RGS3: variants seen among roughly 807,000 people sequenced by gnomAD.
The protein encoded by RGS3 is regulator of G protein signaling 3, also known as regulator of G-protein signalling 3.
A neutral mutation model predicts 132.6 loss-of-function variants in RGS3; 80 were observed. The ratio of observed to expected loss-of-function variants is 0.60; its 90% CI spans 0.50 to 0.73. The LOEUF is 0.73. RGS3 is among the 30% of genes least tolerant of loss of function. RGS3 has a pLI of 0.00. For missense variants in RGS3, 1,382 were observed against 1,530.8 expected, an observed-to-expected ratio of 0.90 and a Z score of 1.62; for synonymous variants, 598 against 620.6, an observed-to-expected ratio of 0.96 and a Z score of 0.54.
chr9:113,493,255 T>C (rs535992145), intron 7 of RGS3, among the ~76,000 whole-genome samples: 32 of 152,332 alleles, frequency 2.1e-4, no homozygotes, highest in African/African-American at 7.2e-4. Flanking sequence ...TATTTGTTTT[T>C]GGTGGTGGGC....
intron 8 of RGS3, 58 bp from the exon 7 acceptor site, chr9:113,497,256 G>T (rs1402127598): frequency 2.2e-6 from 3 of 1,386,080 alleles, no homozygotes; most frequent in Non-Finnish European, 2.0e-6. Context: ...ATTGGTGGCT[G>T]CCTGACCTGT....
At position 113,506,553 on chromosome 9, in the gene RGS3, T is replaced by G. The variant is rs1831142259; in HGVS notation, c.1085+60T>G. 3 of 1,134,436 alleles carry G rather than the reference T, an allele frequency of 2.6e-6. No homozygotes were observed. The African/African-American group carries it at 4.6e-5, about 17-fold the overall frequency. The allele number at this position is 1,134,436 out of a possible 1,614,324, so 70.3% of individuals were successfully genotyped here. On this transcript the variant is annotated intron_variant, in intron 12 of 24. Transcript: ENST00000350696. This position sits in a 1 kb window ranked among gnomAD's most constrained non-coding sequence, Gnocchi z 4.7. ...GCTGATGGCACACCCTCCCCACCCC[T>G]GGGCACACTGCCTTGCCTGGCCCAG...
At chr9:113,528,203 G>A (rs1026313415) in intron 17 of RGS3, among the ~76,000 whole-genome samples, 1 of 152,178 alleles carries the variant, frequency 6.6e-6, no homozygotes, top group Non-Finnish European at 1.5e-5. Context: ...TACGTGCTGC[G>A]TGGTTGCTTC....
chr9:113,479,423 C>G, intron 3 of RGS3, 68 bp from the exon 2 acceptor site: 4 of 1,437,426 alleles, frequency 2.8e-6, no homozygotes, highest in Non-Finnish European at 3.9e-6. Flanking sequence ...TGTCACCTTT[C>G]CTCTAGTTTT....
Position 113,584,310 on chromosome 9 carries a change from C to T in RGS3, c.2898C>T (p.Asp966=), listed in dbSNP as rs778110506. 4.4e-5 allele frequency: 71 copies of T among 1,605,288 alleles called. No homozygotes were observed. In the East Asian group the frequency reaches 5.8e-4, roughly 13 times the overall value. Residue 966 remains aspartate, a synonymous_variant, in exon 20 of 25, where the codon GAC becomes GAT. Transcript: ENST00000350696. ...CCGACACCACCTTGCACTGCTCAGA[C>T]GGTGAGGGCGCCGCCTCCACCTGGG...
chr9:113,454,222 A>G lies in RGS3; in HGVS notation c.-12-6023A>G, dbSNP rs186248680. Among the ~76,000 whole-genome samples, 29 of 152,198 alleles carry G rather than the reference A, an allele frequency of 1.9e-4. 1 individual carries two copies. The highest frequency in any genetic ancestry group is 1.3e-3 in the Admixed American group (20 of 15,282). On this transcript the variant is annotated intron_variant, in intron 1 of 25. Transcript: ENST00000374140. ...CTGTTCACTTTTTATTAGATACCAG[A>G]TTTAACAAATTTTGCCTTTTTGGGT...
At chr9:113,508,047 C>G (rs1179578609) in intron 13 of RGS3, among the ~76,000 whole-genome samples, 1 of 152,144 alleles carries the variant, frequency 6.6e-6, no homozygotes, top group African/African-American at 2.4e-5. Flanking sequence ...ATGAGATGCT[C>G]TGGGAAAAAG....
At chr9:113,520,983 G>A (rs1455096650) in intron 16 of RGS3, among the ~76,000 whole-genome samples, 1 of 152,164 alleles carries the variant, frequency 6.6e-6, no homozygotes, top group Non-Finnish European at 1.5e-5. Flanking sequence ...GTCCCTGGCT[G>A]TGTGGCCATG....
At chr9:113,576,521 G>A (rs1834533232) in intron 19 of RGS3, among the ~76,000 whole-genome samples, 2 of 152,066 alleles carry the variant, frequency 1.3e-5, no homozygotes, top group South Asian at 2.1e-4. Context: ...TGGTAGAGAC[G>A]GGGTTTCACC....
At chr9:113,564,814 C>T in intron 19 of RGS3, 1 of 490,456 alleles carries the variant, frequency 2.0e-6, no homozygotes, top group Non-Finnish European at 2.7e-6. Context: ...ACCCCCCACC[C>T]TGGGGGCAGT....
intron 18 of RGS3, chr9:113,536,527 A>C: frequency 8.2e-7 from 1 of 1,223,090 alleles, no homozygotes; most frequent in Non-Finnish European, 1.0e-6. Context: ...TGCTCTCCAC[A>C]GGCCTCTGCT....
chr9:113,535,519 CTGTT>C (rs1049162013), intron 18 of RGS3, among the ~76,000 whole-genome samples: 12 of 152,304 alleles, frequency 7.9e-5, no homozygotes, highest in Admixed American at 3.3e-4. Context: ...ATACTAGTGA[CTGTT>C]TGTTGAGGCC....
intron 7 of RGS3, among the ~76,000 whole-genome samples, chr9:113,494,609 C>T (rs553842716): frequency 4.6e-5 from 7 of 152,322 alleles, no homozygotes; most frequent in Non-Finnish European, 8.8e-5. Flanking sequence ...ACCTCAGCCT[C>T]CTCAGTAGCT....
intron 19 of RGS3, among the ~76,000 whole-genome samples, chr9:113,543,198 G>T (rs1439472854): frequency 6.6e-6 from 1 of 152,240 alleles, no homozygotes; most frequent in African/African-American, 2.4e-5. Flanking sequence ...GGCCAGAGAG[G>T]TTCCCTGACC....
intron 19 of RGS3, among the ~76,000 whole-genome samples, chr9:113,555,050 C>T (rs757538282): frequency 7.9e-5 from 12 of 152,084 alleles, no homozygotes; most frequent in Non-Finnish European, 1.6e-4. Flanking sequence ...TTTTTCCAAC[C>T]CGATTTTTTT....
In RGS3 at chr9:113,591,384, AAG is replaced by A; in HGVS notation, c.3070_3071del (p.Ser1024GlnfsTer19). On this transcript the variant is annotated frameshift_variant, in exon 21 of 25. Coordinates refer to ENST00000350696, the Ensembl canonical transcript of RGS3. LOFTEE classifies it high-confidence loss of function. The surrounding 1 kb of genome is among the most constrained non-coding windows in gnomAD (Gnocchi z 4.4). ...TGATGACGAAGCCTCCCGGAAGAGA[AAG>A]AGCAAAAACCTGTACGTTGGGAAGA... The A allele has an allele frequency of 6.2e-7, 1 of 1,613,636 alleles. No individual in the cohort carries two copies. Among genetic ancestry groups the A allele is most frequent in the Non-Finnish European group, 8.5e-7 (1 of 1,179,940 alleles).
intron 7 of RGS3, among the ~76,000 whole-genome samples, chr9:113,486,933 C>G (rs1229084425): frequency 6.6e-6 from 1 of 152,076 alleles, no homozygotes; most frequent in Non-Finnish European, 1.5e-5. Flanking sequence ...ACTGTGGCAA[C>G]AACATGCTGG....
Position 113,591,874 on chromosome 9 carries a change from AAG to A in RGS3, c.3080+478_3080+479del. On this transcript the variant is annotated intron_variant, in intron 21 of 24. Transcript: ENST00000350696. This position sits in a 1 kb window ranked among gnomAD's most constrained non-coding sequence, Gnocchi z 4.4. ...CCAGCTGCCGAATCCCGCACTCGCC[AAG>A]CCTTTCTGGCCACACTCAGGCCTTC... is the stretch of plus-strand genomic sequence containing the variant. 1.2e-5 allele frequency: 2 copies of A among 171,068 alleles called. No individual in the cohort carries two copies. The highest frequency in any genetic ancestry group is 5.5e-5 in the Admixed American group (1 of 18,144). 10.6% of individuals were successfully genotyped at this position (171,068 alleles called of 1,614,324 possible). A position where few individuals can be genotyped will look rare whatever the true frequency, so the allele number is the denominator to read the frequency against.
At chr9:113,567,245 C>A (rs1302546843) in intron 19 of RGS3, among the ~76,000 whole-genome samples, 1 of 152,008 alleles carries the variant, frequency 6.6e-6, no homozygotes. Flanking sequence ...CTCCCCTCCC[C>A]CTCCATGTCT....
Sources: gnomAD v4.1 joint callset for allele counts (sites outside exome capture counted in the v4.1 genomes callset) on GRCh38, gnomAD v4.1.1 for gene constraint, Gnocchi (gnomAD v3.1) non-coding constraint, MANE v1.5 for transcripts, NCBI Gene and HGNC (gene_info 2026-07-23, HGNC 2026-07-21) for gene names.